UNC5D: variants seen among roughly 807,000 people sequenced by gnomAD.
UNC5D encodes netrin receptor UNC5D.
UNC5D carries 39 observed loss-of-function variants against 105.4 expected under a neutral mutation model. That is an observed-to-expected ratio of 0.37 (90% CI 0.29 to 0.48). The LOEUF (loss-of-function observed/expected upper bound fraction) is 0.48, where lower values mean the gene tolerates loss of function less well. UNC5D is among the 20% of genes least tolerant of loss of function. The pLI, the probability that UNC5D is intolerant of heterozygous loss-of-function variation, is 0.98. For missense variants in UNC5D, 991 were observed against 1,202.4 expected (o/e 0.82, Z 2.60); for synonymous variants, 452 against 450.4 (o/e 1.00, Z -0.04).
chr8:35,462,628 A>G (rs1204962011), intron 1 of UNC5D, among the ~76,000 whole-genome samples: 3 of 152,150 alleles, frequency 2.0e-5, no homozygotes, highest in African/African-American at 7.2e-5. Flanking sequence ...AATTTACTTC[A>G]TTATTTCTGT....
chr8:35,553,522 C>A (rs1375688088), intron 2 of UNC5D, among the ~76,000 whole-genome samples: 1 of 152,126 alleles, frequency 6.6e-6, no homozygotes, highest in Non-Finnish European at 1.5e-5. Context: ...AACTTAATAG[C>A]ACAACTTTTT....
At position 35,795,126 on chromosome 8, in the gene UNC5D, T is replaced by G. The variant is rs1472855086; in HGVS notation, c.*4563T>G. ...AAAAAGGCATCAAGCTTCATGGTTA[T>G]GCCTAAGCTTAAAAATTCCCTTCCC... is the stretch of plus-strand genomic sequence containing the variant. On this transcript the variant is annotated 3_prime_UTR_variant, in exon 17 of 17. Coordinates refer to ENST00000404895, the MANE Select transcript of UNC5D (RefSeq NM_080872.4). 1.3e-5 allele frequency: 2 copies of G among 152,164 alleles called. No individual in the cohort carries two copies. Among genetic ancestry groups the G allele is most frequent in the Non-Finnish European group, 2.9e-5 (2 of 68,032 alleles). 9.4% of individuals were successfully genotyped at this position (152,164 alleles called of 1,614,324 possible).
At position 35,656,714 on chromosome 8, in the gene UNC5D, C is replaced by T. The variant is rs1461153806; in HGVS notation, c.571-26833C>T. ...CCCTTTACTCTTTCAATCCCAGGGA[C>T]GTACATACCAATAGCAGGACATTTC... On this transcript the variant is annotated intron_variant, in intron 4 of 16. Transcript: ENST00000404895. 4.6e-5 allele frequency among the ~76,000 whole-genome samples: 7 copies of T among 152,130 alleles called. No individual in the cohort carries two copies. In the East Asian group the frequency reaches 7.8e-4, roughly 17 times the overall value.
chr8:35,250,966 A>G (rs1803656859), intron 1 of UNC5D, among the ~76,000 whole-genome samples: 1 of 152,192 alleles, frequency 6.6e-6, no homozygotes. Context: ...AATGAGAGCC[A>G]TGGATTTAAT....
intron 1 of UNC5D, among the ~76,000 whole-genome samples, chr8:35,401,814 G>A (rs1260114980): frequency 6.6e-6 from 1 of 152,196 alleles, no homozygotes; most frequent in African/African-American, 2.4e-5. Flanking sequence ...GGATGAAGAT[G>A]TACAGCAAAG....
chr8:35,528,153 G>A (rs373797693), intron 1 of UNC5D, among the ~76,000 whole-genome samples: 4 of 146,866 alleles, frequency 2.7e-5, no homozygotes, highest in African/African-American at 1.0e-4. Flanking sequence ...CCACTAACTC[G>A]TCATCTAGCA....
At chr8:35,576,328 AG>A (rs2130820937) in intron 3 of UNC5D, among the ~76,000 whole-genome samples, 1 of 152,304 alleles carries the variant, frequency 6.6e-6, no homozygotes, top group Admixed American at 6.5e-5. Flanking sequence ...GGCCTGGAAA[AG>A]GTAGGTATGA....
At chr8:35,711,376 C>T (rs1214770302) in intron 8 of UNC5D, among the ~76,000 whole-genome samples, 1 of 152,022 alleles carries the variant, frequency 6.6e-6, no homozygotes, top group East Asian at 1.9e-4. Flanking sequence ...GACGGGGTTT[C>T]ACCACGTTGC....
At chr8:35,705,025 A>G (rs1373762526) in intron 7 of UNC5D, among the ~76,000 whole-genome samples, 10 of 136,718 alleles carry the variant, frequency 7.3e-5, no homozygotes, top group South Asian at 2.3e-4. Flanking sequence ...GTGCAGTGGC[A>G]CGATCTTGGC....
chr8:35,406,153 C>A (rs1804787326), intron 1 of UNC5D, among the ~76,000 whole-genome samples: 1 of 152,204 alleles, frequency 6.6e-6, no homozygotes, highest in African/African-American at 2.4e-5. Context: ...CGATAACAAA[C>A]TTTGATCCTT....
intron 13 of UNC5D, among the ~76,000 whole-genome samples, chr8:35,753,272 T>C (rs1356020494): frequency 7.6e-6 from 1 of 131,594 alleles, no homozygotes; most frequent in Non-Finnish European, 1.5e-5. Flanking sequence ...AGATATTTCT[T>C]TTTTTTTGTT....
chr8:35,303,237 A>T (rs1055901064), intron 1 of UNC5D, among the ~76,000 whole-genome samples: 2 of 152,154 alleles, frequency 1.3e-5, no homozygotes, highest in Non-Finnish European at 2.9e-5. Context: ...CAATTTTATA[A>T]AATGTTTAGT....
At chr8:35,525,716 C>G in intron 1 of UNC5D, 1 of 1,591,672 alleles carries the variant, frequency 6.3e-7, no homozygotes, top group Non-Finnish European at 8.6e-7. Flanking sequence ...ACGTCCGGCA[C>G]GACACCTGGC....
intron 1 of UNC5D, among the ~76,000 whole-genome samples, chr8:35,533,768 G>A (rs1012968782): frequency 7.2e-5 from 11 of 152,212 alleles, no homozygotes; most frequent in East Asian, 1.9e-4. Context: ...TTTTTTAGCC[G>A]GTCTGAAAAG....
chr8:35,726,131 A>G (rs1290617050), intron 9 of UNC5D, 21 bp from the exon 10 acceptor site: 2 of 1,593,954 alleles, frequency 1.3e-6, no homozygotes, highest in Non-Finnish European at 1.7e-6. Context: ...TCTGAGTGAC[A>G]GATCAATTTT....
intron 12 of UNC5D, among the ~76,000 whole-genome samples, chr8:35,750,032 A>G (rs1830195481): frequency 1.3e-5 from 2 of 151,530 alleles, no homozygotes; most frequent in South Asian, 4.2e-4. Context: ...TAAGATTTCT[A>G]AAACTCAACA....
intron 16 of UNC5D, among the ~76,000 whole-genome samples, chr8:35,783,475 G>A (rs1020955174): frequency 1.2e-4 from 19 of 152,108 alleles, no homozygotes; most frequent in African/African-American, 4.1e-4. Flanking sequence ...TAAAAGCTTT[G>A]TTATCTGGAA....
intron 1 of UNC5D, among the ~76,000 whole-genome samples, chr8:35,370,649 A>C (rs1410387503): frequency 6.6e-6 from 1 of 152,308 alleles, no homozygotes; most frequent in East Asian, 1.9e-4. Flanking sequence ...AAATAATGAA[A>C]GTAACTTTTA....
intron 4 of UNC5D, among the ~76,000 whole-genome samples, chr8:35,646,155 G>T (rs1266732914): frequency 1.3e-5 from 2 of 152,092 alleles, no homozygotes; most frequent in East Asian, 1.9e-4. Context: ...AGCACTTATT[G>T]TGTTGTCATT....
Sources: gnomAD v4.1 joint callset for allele counts (sites outside exome capture counted in the v4.1 genomes callset) on GRCh38, gnomAD v4.1.1 for gene constraint, MANE v1.5 for transcripts, NCBI Gene and HGNC (gene_info 2026-07-23, HGNC 2026-07-21) for gene names.